The following PARD3 variants were observed in gnomAD, a reference collection of about 807,000 sequenced individuals.
The protein encoded by PARD3 is partitioning defective 3 homolog.
PARD3 carries 75 observed loss-of-function variants against 155.4 expected under a neutral mutation model. That is an observed-to-expected ratio of 0.48 (90% CI 0.40 to 0.58). PARD3 has a LOEUF of 0.58. Ranked by LOEUF, PARD3 falls within the 20% of genes least tolerant of loss-of-function variation. The probability of loss-of-function intolerance (pLI) is 0.00; values close to 1 mark genes in which losing one functional copy is unlikely to be tolerated. For synonymous variants in PARD3, 576 were observed against 610.5 expected (o/e 0.94, Z 0.83); for missense variants, 1,642 against 1,721.7 (o/e 0.95, Z 0.82).
At chr10:34,392,366 T>C (rs979152292) in intron 7 of PARD3, among the ~76,000 whole-genome samples, 12 of 152,298 alleles carry the variant, frequency 7.9e-5, no homozygotes, top group African/African-American at 2.9e-4. Flanking sequence ...ATTCTGAATA[T>C]TGTATTGAAG....
chr10:34,654,383 TG>T (rs1231724014), intron 2 of PARD3, among the ~76,000 whole-genome samples: 1 of 152,222 alleles, frequency 6.6e-6, no homozygotes, highest in African/African-American at 2.4e-5. Flanking sequence ...TTAAGTAACT[TG>T]CCCAAGGTCA....
At chr10:34,721,850 C>A (rs1473809780) in intron 1 of PARD3, among the ~76,000 whole-genome samples, 1 of 152,100 alleles carries the variant, frequency 6.6e-6, no homozygotes, top group Non-Finnish European at 1.5e-5. Flanking sequence ...TTATAACATA[C>A]AAACTCTAAC....
chr10:34,700,389 G>A (rs2133526746), intron 1 of PARD3, among the ~76,000 whole-genome samples: 1 of 152,350 alleles, frequency 6.6e-6, no homozygotes, highest in Non-Finnish European at 1.5e-5. Flanking sequence ...AGAGAAAACA[G>A]TGCAAAGTCC....
intron 22 of PARD3, among the ~76,000 whole-genome samples, chr10:34,145,219 A>T (rs376850801): frequency 0.069 from 3,573 of 52,022 alleles, 138 homozygotes; most frequent in Non-Finnish European, 0.085. Context: ...ATATATATAT[A>T]TATTTTTTTT....
chr10:34,122,750 C>T (rs1947075185), intron 23 of PARD3, among the ~76,000 whole-genome samples: 1 of 152,254 alleles, frequency 6.6e-6, no homozygotes, highest in South Asian at 2.1e-4. Flanking sequence ...TGACACTTGA[C>T]CTGAATAAAA....
rs189488815 is a variant in PARD3, at chr10:34,518,610, C to T, written c.223-1451G>A. Among the ~76,000 whole-genome samples, 337 of 152,264 alleles carry T rather than the reference C, an allele frequency of 2.2e-3. 1 individual carries two copies. The highest frequency in any genetic ancestry group is 3.0e-3 in the Non-Finnish European group (201 of 68,024). On this transcript the variant is annotated intron_variant, in intron 2 of 24. Coordinates refer to ENST00000374788, the MANE Select transcript of PARD3 (RefSeq NM_001184785.2). ...CATTATCCAAAGAATAAACTAAAAT[C>T]CATGAGTCCATAATGATATAAATAA...
intron 22 of PARD3, among the ~76,000 whole-genome samples, chr10:34,187,653 C>T (rs1331640208): frequency 1.3e-5 from 2 of 152,210 alleles, no homozygotes; most frequent in African/African-American, 4.8e-5. Context: ...ACCTTAACCT[C>T]CTTTCTGTGA....
chr10:34,696,293 C>T (rs2094171563), intron 2 of PARD3, 25 bp downstream of exon 2: 1 of 1,382,096 alleles, frequency 7.2e-7, no homozygotes, highest in South Asian at 1.2e-5. Flanking sequence ...GCATTCAGAA[C>T]AGGTTCCCCA....
chr10:34,733,948 GT>G (rs11448579), intron 1 of PARD3, among the ~76,000 whole-genome samples: 5,345 of 144,740 alleles, frequency 0.037, 247 homozygotes, highest in African/African-American at 0.11. Flanking sequence ...AATCAAAGCT[GT>G]TTTTTTTTTT....
intron 1 of PARD3, among the ~76,000 whole-genome samples, chr10:34,772,002 T>G (rs1002908998): frequency 1.3e-5 from 2 of 152,160 alleles, no homozygotes; most frequent in Non-Finnish European, 2.9e-5. Context: ...ACCAAGGAAG[T>G]TCTGCAGTCT....
intron 13 of PARD3, 102 bp from the exon 14 acceptor site, chr10:34,359,419 A>T: frequency 1.2e-6 from 1 of 862,256 alleles, no homozygotes; most frequent in Non-Finnish European, 1.8e-6. Flanking sequence ...AAGCAAAAAA[A>T]AAAAAAGTGG....
rs150854063 is a variant in PARD3, at chr10:34,604,571, T to G, written c.223-87412A>C. Among the ~76,000 whole-genome samples the G allele has an allele frequency of 9.3e-3, 1,377 of 147,998 alleles. 14 individuals are homozygous for G. The highest frequency in any genetic ancestry group is 0.032 in the African/African-American group (1,310 of 40,774). The stretch of plus-strand genomic sequence containing the variant: ...AATATTTAATAAACTCTCCTTTATT[T>G]ATATATATATAAAGATATATAAAAT... On this transcript the variant is annotated intron_variant, in intron 2 of 24. Transcript: ENST00000374788.
intron 1 of PARD3, among the ~76,000 whole-genome samples, chr10:34,701,333 A>ATGTTGTTGT (rs34806804): frequency 0.054 from 8,168 of 149,926 alleles, 263 homozygotes; most frequent in South Asian, 0.13. Context: ...ACACGCGGGG[A>ATGTTGTTGT]TGTTGTTGTT....
chr10:34,415,142 C>T (rs1269183163), intron 5 of PARD3, among the ~76,000 whole-genome samples: 13 of 152,026 alleles, frequency 8.6e-5, no homozygotes, highest in South Asian at 2.1e-4. Context: ...GAGCCAGGAG[C>T]GTGCTAATAA....
chr10:34,743,760 T>C (rs185751219), intron 1 of PARD3, among the ~76,000 whole-genome samples: 262 of 152,246 alleles, frequency 1.7e-3, no homozygotes, highest in Non-Finnish European at 3.2e-3. Flanking sequence ...CTGTCTAAAA[T>C]CAATGCCAAG....
chr10:34,627,293 G>A (rs1351595491), intron 2 of PARD3, among the ~76,000 whole-genome samples: 1 of 152,180 alleles, frequency 6.6e-6, no homozygotes, highest in Non-Finnish European at 1.5e-5. Context: ...CTCCCGAAGT[G>A]CTGGGATTAC....
chr10:34,484,954 T>C (rs772152363), intron 3 of PARD3, among the ~76,000 whole-genome samples: 6 of 152,180 alleles, frequency 3.9e-5, no homozygotes, highest in Non-Finnish European at 5.9e-5. Context: ...TTCCTCCTCA[T>C]TGGCAACCCA....
At chr10:34,195,313 A>G (rs1950888190) in intron 22 of PARD3, among the ~76,000 whole-genome samples, 2 of 152,196 alleles carry the variant, frequency 1.3e-5, no homozygotes. Flanking sequence ...CACCACACTG[A>G]GCAAAGTGTC....
At chr10:34,588,639 T>C (rs973496738) in intron 2 of PARD3, among the ~76,000 whole-genome samples, 6 of 152,144 alleles carry the variant, frequency 3.9e-5, no homozygotes, top group Non-Finnish European at 8.8e-5. Flanking sequence ...GGCTGCCCGA[T>C]TCTCCTTGCT....
Sources: allele counts gnomAD v4.1 joint callset (sites outside exome capture counted in the v4.1 genomes callset), GRCh38; gene constraint gnomAD v4.1.1; transcripts MANE v1.5; gene names NCBI Gene and HGNC (gene_info 2026-07-23, HGNC 2026-07-21).